Variants in C14orf39 observed in about 807,000 individuals in gnomAD.
C14orf39 encodes the protein chromosome 14 open reading frame 39, also known as protein SIX6OS1.
Under a neutral mutation model 85.6 loss-of-function variants are expected in C14orf39, and 66 were observed. The ratio of observed to expected loss-of-function variants is 0.77; its 90% CI spans 0.63 to 0.95. The LOEUF (loss-of-function observed/expected upper bound fraction) is 0.95. Among genes scored for constraint, C14orf39 ranks in the 40% least tolerant of loss-of-function variants. C14orf39 has a pLI of 0.00. For synonymous variants in C14orf39, 242 were observed against 214.0 expected (o/e 1.13, Z -1.14); for missense variants, 735 against 663.9 (o/e 1.11, Z -1.18).
chr14:60,505,189 T>C (rs375262167), intron 1 of C14orf39, among the ~76,000 whole-genome samples: 14 of 152,340 alleles, frequency 9.2e-5, no homozygotes, highest in Admixed American at 5.2e-4. Context: ...CTCTGTTCTT[T>C]GTTACAAGGT....
intron 2 of C14orf39, among the ~76,000 whole-genome samples, chr14:60,497,388 A>AATTCTCCAT (rs11282738): frequency 0.85 from 129,367 of 151,456 alleles, 56,022 homozygotes; most frequent in Non-Finnish European, 0.92. Context: ...GTACAGGCCC[A>AATTCTCCAT]ATGCACACAC....
At chr14:60,476,392 G>A (rs10149915) in intron 5 of C14orf39, among the ~76,000 whole-genome samples, 124,941 of 151,944 alleles carry the variant, frequency 0.82, 52,978 homozygotes, top group Non-Finnish European at 0.92. Flanking sequence ...CAGCAATACT[G>A]TTTTTCATGA....
intron 4 of C14orf39, 50 bp from the exon 5 acceptor site, chr14:60,478,439 T>C: frequency 3.4e-6 from 3 of 871,802 alleles, no homozygotes; most frequent in Non-Finnish European, 5.2e-6. Flanking sequence ...GATAAACAAA[T>C]TGATAGAGAT....
intron 1 of C14orf39, chr14:60,512,586 C>T (rs113355656): frequency 2.0e-5 from 3 of 152,186 alleles, no homozygotes; most frequent in African/African-American, 7.2e-5. Context: ...ATTTTAAAAA[C>T]CTAATCTCCG....
chr14:60,451,339 G>T lies in C14orf39; in HGVS notation c.1503+3662C>A, dbSNP rs957971376. Reference sequence around the variant, plus strand: ...TTTGACCCAGCAATCCCATTACTGGGTATATACCCAAAGGATTATAAATCA... The same window carrying T: ...TTTGACCCAGCAATCCCATTACTGGTTATATACCCAAAGGATTATAAATCA... On this transcript the variant is annotated intron_variant, in intron 16 of 17. Coordinates refer to ENST00000321731, the MANE Select transcript of C14orf39 (RefSeq NM_174978.3). Among the ~76,000 whole-genome samples the T allele has an allele frequency of 6.6e-5, 10 of 152,198 alleles. No homozygotes were observed. In the East Asian group the frequency reaches 7.7e-4, roughly 12 times the overall value.
intron 1 of C14orf39, among the ~76,000 whole-genome samples, chr14:60,485,574 A>C (rs1295535051): frequency 6.6e-6 from 1 of 152,224 alleles, no homozygotes; most frequent in Non-Finnish European, 1.5e-5. Flanking sequence ...ACGAAGAATA[A>C]AAAAATTGGA....
upstream of C14orf39, chr14:60,486,181 G>A (rs574057311): frequency 6.6e-6 from 1 of 152,294 alleles, no homozygotes; most frequent in South Asian, 2.1e-4. Context: ...AGACCTGCGC[G>A]GCTGCAACCG....
In C14orf39 at chr14:60,455,162, T is replaced by TA. The variant is rs1891212872; in HGVS notation, c.1359-18dup. 3.3e-6 allele frequency: 5 copies of TA among 1,513,872 alleles called. No individual in the cohort carries two copies. The highest frequency in any genetic ancestry group is 2.7e-6 in the Non-Finnish European group (3 of 1,125,402). 93.8% of individuals were successfully genotyped at this position (1,513,872 alleles called of 1,614,324 possible). Reference sequence around the variant, plus strand: ...TTTCTGTTACTGAGAAATAAGAAATTATCAAAATGTTAAAAATCTATTATT... The same window carrying TA: ...TTTCTGTTACTGAGAAATAAGAAATTAATCAAAATGTTAAAAATCTATTATT... On this transcript the variant is annotated splice_polypyrimidine_tract_variant and intron_variant, in intron 15 of 17. Transcript: ENST00000321731.
At chr14:60,458,526 C>G in intron 14 of C14orf39, 152 bp downstream of exon 14, 1 of 461,096 alleles carries the variant, frequency 2.2e-6, no homozygotes, top group Non-Finnish European at 3.7e-6. Flanking sequence ...ATCTTTTAAT[C>G]TGAAAAATAG....
intron 9 of C14orf39, among the ~76,000 whole-genome samples, 196 bp from the exon 10 acceptor site, chr14:60,467,240 C>G (rs942908721): frequency 6.6e-6 from 1 of 151,782 alleles, no homozygotes; most frequent in Non-Finnish European, 1.5e-5. Flanking sequence ...AAACACACTT[C>G]CCCTGATTAA....
intron 5 of C14orf39, among the ~76,000 whole-genome samples, chr14:60,475,033 G>A (rs1434696007): frequency 6.6e-6 from 1 of 152,084 alleles, no homozygotes; most frequent in Non-Finnish European, 1.5e-5. Context: ...TCTGGTCCTG[G>A]ACTTTTTTGG....
At chr14:60,504,957 T>C (rs921265996) in intron 1 of C14orf39, among the ~76,000 whole-genome samples, 1 of 152,232 alleles carries the variant, frequency 6.6e-6, no homozygotes. Context: ...TTTAAACTTA[T>C]ACAAATTTCC....
chr14:60,482,299 T>C (rs1485603743), intron 4 of C14orf39, among the ~76,000 whole-genome samples: 1 of 152,044 alleles, frequency 6.6e-6, no homozygotes, highest in African/African-American at 2.4e-5. Flanking sequence ...AAAACCCAAG[T>C]CAAAATAAAA....
intron 1 of C14orf39, among the ~76,000 whole-genome samples, chr14:60,510,128 CG>C (rs1405048117): frequency 6.6e-6 from 1 of 152,172 alleles, no homozygotes; most frequent in African/African-American, 2.4e-5. Flanking sequence ...GGCTCCTGGC[CG>C]GGAGTTCCCT....
chr14:60,508,412 G>A (rs1190683726), intron 1 of C14orf39, among the ~76,000 whole-genome samples: 1 of 152,052 alleles, frequency 6.6e-6, no homozygotes, highest in African/African-American at 2.4e-5. Context: ...CCTTTATTTG[G>A]AGGTCCCTAC....
Position 60,437,053 on chromosome 14 carries a change from G to A in C14orf39, c.1562-6C>T. The A allele has an allele frequency of 1.3e-6, 2 of 1,579,650 alleles. No homozygotes were observed. On this transcript the variant is annotated splice_region_variant and splice_polypyrimidine_tract_variant and intron_variant, in intron 17 of 17. Coordinates refer to ENST00000321731, the MANE Select transcript of C14orf39 (RefSeq NM_174978.3). ...TGGCTTCTCAAGTAAGTTTCCTAAG[G>A]AAGATAAACATTACAATATCATGCT...
At chr14:60,465,309 G>C (rs999253658) in intron 11 of C14orf39, among the ~76,000 whole-genome samples, 1 of 152,016 alleles carries the variant, frequency 6.6e-6, no homozygotes, top group African/African-American at 2.4e-5. Context: ...TTTCCCTCTG[G>C]ACTATTTTCA....
chr14:60,496,039 G>T, intron 2 of C14orf39: 1 of 737,000 alleles, frequency 1.4e-6, no homozygotes, highest in Non-Finnish European at 2.2e-6. Flanking sequence ...ATTTTGGCAT[G>T]AGGTAGCTTG....
At chr14:60,461,270 C>G in intron 13 of C14orf39, 84 bp downstream of exon 13, 1 of 1,195,024 alleles carries the variant, frequency 8.4e-7, no homozygotes, top group South Asian at 1.3e-5. Context: ...TGCAAATAAT[C>G]GAAACAATTT....
Sources: gnomAD v4.1 joint callset for allele counts (sites outside exome capture counted in the v4.1 genomes callset) on GRCh38, gnomAD v4.1.1 for gene constraint, MANE v1.5 for transcripts, NCBI Gene and HGNC (gene_info 2026-07-23, HGNC 2026-07-21) for gene names.